The following SVEP1 variants were observed in gnomAD, a reference collection of about 807,000 sequenced individuals.
SVEP1 encodes the protein sushi, von Willebrand factor type A, EGF and pentraxin domain containing 1.
Under a neutral mutation model 367.3 loss-of-function variants are expected in SVEP1, and 164 were observed. The ratio of observed to expected loss-of-function variants is 0.45; its 90% CI spans 0.39 to 0.51. The LOEUF (loss-of-function observed/expected upper bound fraction) is 0.51. SVEP1 is among the 20% of genes least tolerant of loss of function. SVEP1 has a pLI of 0.00. For missense variants in SVEP1, 4,117 were observed against 4,425.3 expected (o/e 0.93, Z 1.98); for synonymous variants, 1,666 against 1,611.6 (o/e 1.03, Z -0.81).
chr9:110,436,115 T>C (rs1392682956), intron 28 of SVEP1, among the ~76,000 whole-genome samples: 4 of 152,020 alleles, frequency 2.6e-5, no homozygotes, highest in African/African-American at 9.7e-5. Flanking sequence ...TTAAATTTTA[T>C]TGGAGAACAT....
At position 110,408,601 on chromosome 9, in the gene SVEP1, T is replaced by C. The variant is rs1367170435; in HGVS notation, c.6999A>G (p.Leu2333=). 5 of 1,613,534 alleles carry C rather than the reference T, an allele frequency of 3.1e-6. No homozygotes were observed. The highest frequency in any genetic ancestry group is 1.7e-5 in the Admixed American group (1 of 59,964). The change falls in exon 38 of 48, where the codon CTA becomes CTG. Residue 2333 remains leucine (L), a synonymous_variant. Coordinates refer to ENST00000374469, the MANE Select transcript of SVEP1 (RefSeq NM_153366.4). ...CCTCGGTGGTCAACTCCTTTAATACTAGCTGGTTTTCCAAGAGGGGCGGCT... is the reference window on the plus strand; with the variant it reads ...CCTCGGTGGTCAACTCCTTTAATACCAGCTGGTTTTCCAAGAGGGGCGGCT... ...CPEPPLLENQ[L]VLKELTTEVG...
Position 110,406,626 on chromosome 9 carries a change from T to C in SVEP1, c.8974A>G (p.Asn2992Asp). Residue 2992 changes from asparagine to aspartate, a missense_variant, in exon 38 of 48, where the codon AAT becomes GAT. Around this residue, in one of 4 missense-constraint regions of SVEP1, gnomAD observed 1,765 missense variants for 1,781.1 expected, o/e 0.99. Coordinates refer to ENST00000374469, the MANE Select transcript of SVEP1 (RefSeq NM_153366.4). ...HGNSSRRCLS[N>D]GSWSGSSPSC... ...GGTGAGCTGCCACTCCAGGAGCCAT[T>C]GGAGAGGCACCTTCTTGATGAATTT... The C allele has an allele frequency of 1.2e-6, 2 of 1,613,980 alleles. No homozygotes were observed. The highest frequency in any genetic ancestry group is 1.7e-6 in the Non-Finnish European group (2 of 1,179,894).
At chr9:110,528,115 TATAC>T (rs1454195450) in intron 3 of SVEP1, among the ~76,000 whole-genome samples, 4 of 143,606 alleles carry the variant, frequency 2.8e-5, no homozygotes, top group Non-Finnish European at 1.5e-5. Context: ...CATATACATA[TATAC>T]ATACATACAC....
chr9:110,579,337 C>T lies in SVEP1; in HGVS notation c.207G>A (p.Arg69=), dbSNP rs1830664556. ...SRVERLGQAF[R]RRVRLLRELS... is the part of the protein sequence containing the mutation. ...GCTCCCGCAGCAGCCGCACGCGTCG[C>T]CGGAACGCCTGGCCCAGCCGCTCCA... is the stretch of plus-strand genomic sequence containing the variant. The change falls in exon 1 of 48, where the codon CGG becomes CGA. Residue 69 remains arginine (R), a synonymous_variant. Coordinates refer to ENST00000374469, the MANE Select transcript of SVEP1 (RefSeq NM_153366.4). This position sits in a 1 kb window ranked among gnomAD's most constrained non-coding sequence, Gnocchi z 5.3. 7 of 1,555,860 alleles carry T rather than the reference C, an allele frequency of 4.5e-6. No individual in the cohort carries two copies. The highest frequency in any genetic ancestry group is 1.9e-5 in the Admixed American group (1 of 51,646).
Position 110,458,568 on chromosome 9 carries a change from C to A in SVEP1, c.3485-6G>T. 6.2e-7 allele frequency: 1 copy of A among 1,605,074 alleles called. No homozygotes were observed. Among genetic ancestry groups the A allele is most frequent in the Non-Finnish European group, 8.5e-7 (1 of 1,175,572 alleles). ...TGAGAAAGTTGAACTAAAACCTAAT[C>A]AATTAATAGAAAAACATGTCAGTGT... On this transcript the variant is annotated splice_region_variant and splice_polypyrimidine_tract_variant and intron_variant, in intron 19 of 47. Transcript: ENST00000374469.
chr9:110,575,981 A>G (rs957857985), intron 1 of SVEP1, among the ~76,000 whole-genome samples: 1 of 152,160 alleles, frequency 6.6e-6, no homozygotes, highest in Non-Finnish European at 1.5e-5. Flanking sequence ...TCTTCAAATG[A>G]TATTAGCCAG....
At chr9:110,480,259 G>GC (rs1829164439) in intron 12 of SVEP1, among the ~76,000 whole-genome samples, 2 of 152,088 alleles carry the variant, frequency 1.3e-5, no homozygotes, top group Admixed American at 1.3e-4. Flanking sequence ...TTTGCAAAAT[G>GC]CCCCTGAAGA....
chr9:110,515,844 CT>C, intron 3 of SVEP1, among the ~76,000 whole-genome samples: 1 of 152,036 alleles, frequency 6.6e-6, no homozygotes, highest in Non-Finnish European at 1.5e-5. Flanking sequence ...AGGGACTGTT[CT>C]ATATATTTTA....
rs746005155 is a variant in SVEP1 at position 110,411,604 on chromosome 9, T to C, written c.6107A>G (p.His2036Arg). Reference protein sequence around the residue: ...IVDHASPETAHRLFGDIAFYY... With the variant: ...IVDHASPETARRLFGDIAFYY... ...GAATGCAATGTCTCCAAAGAGCCGA[T>C]GGGCAGTCTCTGGAGAGGCGTGGTC... The change falls in exon 37 of 48, where the codon CAT becomes CGT. Residue 2036 changes from histidine to arginine, a missense_variant. By Grantham distance (29) the His-to-Arg change is conservative (BLOSUM62 0). Transcript: ENST00000374469. 5 of 1,613,692 alleles carry C rather than the reference T, an allele frequency of 3.1e-6. No individual in the cohort carries two copies. In the Admixed American group the frequency reaches 6.7e-5, roughly 22 times the overall value.
intron 3 of SVEP1, among the ~76,000 whole-genome samples, chr9:110,540,438 T>G (rs527362710): frequency 6.6e-6 from 1 of 151,998 alleles, no homozygotes; most frequent in African/African-American, 2.4e-5. Context: ...TTATGTAGGG[T>G]TTTTTAAAAA....
In SVEP1 at chr9:110,452,789, T is replaced by C. The variant is rs537343546; in HGVS notation, c.3788-1387A>G. ...CAGCATGCCTGTCCACTATAATTGA[T>C]AGAGTATGCTATCACTTTATCAAGT... On this transcript the variant is annotated intron_variant, in intron 22 of 47. Coordinates refer to ENST00000374469, the MANE Select transcript of SVEP1 (RefSeq NM_153366.4). Among the ~76,000 whole-genome samples the C allele has an allele frequency of 7.2e-5, 11 of 152,352 alleles. No individual in the cohort carries two copies. The East Asian group carries it at 2.1e-3, about 29-fold the overall frequency.
At position 110,579,388 on chromosome 9, in the gene SVEP1, A is replaced by G. The variant is rs1564182122; in HGVS notation, c.156T>C (p.Pro52=). 1 of 1,568,206 alleles carries G rather than the reference A, an allele frequency of 6.4e-7. No homozygotes were observed. Among genetic ancestry groups the G allele is most frequent in the Non-Finnish European group, 8.6e-7 (1 of 1,157,704 alleles). Residue 52 remains proline, a synonymous_variant, in exon 1 of 48, where the codon CCT becomes CCC. Transcript: ENST00000374469. The surrounding 1 kb of genome is among the most constrained non-coding windows in gnomAD (Gnocchi z 5.3). ...CTCTGCTCCCCGCCGCTTCGTCGCC[A>G]GGAGCGGGCGGCGCGGGGATACTCC... ...APGSIPAPPA[P]GDEAAGSRVE... is the part of the protein sequence containing the mutation.
chr9:110,404,642 C>G (rs1299622060), intron 38 of SVEP1, 90 bp from the exon 39 acceptor site: 8 of 1,202,038 alleles, frequency 6.7e-6, no homozygotes, highest in Non-Finnish European at 1.2e-6. Flanking sequence ...TTACAAGGCT[C>G]AGTAGATATT....
At chr9:110,540,842 C>T (rs1830135138) in intron 3 of SVEP1, among the ~76,000 whole-genome samples, 1 of 152,122 alleles carries the variant, frequency 6.6e-6, no homozygotes, top group Non-Finnish European at 1.5e-5. Flanking sequence ...AGGATCTTGT[C>T]CATGAAGTAG....
intron 2 of SVEP1, among the ~76,000 whole-genome samples, chr9:110,548,529 A>G (rs191598592): frequency 2.0e-5 from 3 of 152,298 alleles, no homozygotes; most frequent in East Asian, 1.9e-4. Context: ...AGGAATATAA[A>G]AGATGAATGA....
chr9:110,367,006 T>C (rs549081614), intron 47 of SVEP1, among the ~76,000 whole-genome samples: 1 of 152,324 alleles, frequency 6.6e-6, no homozygotes, highest in South Asian at 2.1e-4. Flanking sequence ...AAAGGCCAGG[T>C]CAGTCTTATT....
chr9:110,472,667 T>C (rs1159951863), intron 14 of SVEP1, among the ~76,000 whole-genome samples: 2 of 152,206 alleles, frequency 1.3e-5, no homozygotes, highest in South Asian at 2.1e-4. Context: ...TTCTAGTCAA[T>C]TTCTATTTCT....
intron 13 of SVEP1, among the ~76,000 whole-genome samples, chr9:110,477,913 G>A (rs559263788): frequency 6.6e-6 from 1 of 152,206 alleles, no homozygotes; most frequent in South Asian, 2.1e-4. Flanking sequence ...TCCCTCAAAT[G>A]GCTTTCCATT....
At position 110,464,265 on chromosome 9, in the gene SVEP1, G is replaced by A. The variant is rs78281600; in HGVS notation, c.3322+1600C>T. 4.0e-3 allele frequency among the ~76,000 whole-genome samples: 609 copies of A among 152,240 alleles called. 6 individuals carry two copies. The highest frequency in any genetic ancestry group is 0.014 in the African/African-American group (565 of 41,528). ...ATTATCCAACAGACATGGTTTATGC[G>A]TTTCAGTTAGGCCCTAAATTTTCTT... is the stretch of plus-strand genomic sequence containing the variant. On this transcript the variant is annotated intron_variant, in intron 18 of 47. Transcript: ENST00000374469.
Sources: gnomAD v4.1 joint callset for allele counts (sites outside exome capture counted in the v4.1 genomes callset) on GRCh38, gnomAD v4.1.1 for gene constraint, gnomAD v4.1.1 regional missense constraint, Gnocchi (gnomAD v3.1) non-coding constraint, MANE v1.5 for transcripts, NCBI Gene and HGNC (gene_info 2026-07-23, HGNC 2026-07-21) for gene names.